The following IGF1R variants were observed in gnomAD, a reference collection of about 807,000 sequenced individuals.
The protein encoded by IGF1R is insulin like growth factor 1 receptor, also known as insulin-like growth factor 1 receptor.
Under a neutral mutation model 144.6 loss-of-function variants are expected in IGF1R, and 44 were observed. The ratio of observed to expected loss-of-function variants is 0.30; its 90% CI spans 0.24 to 0.39. IGF1R has a LOEUF of 0.39. Among genes scored for constraint, IGF1R ranks in the 10% least tolerant of loss-of-function variants. IGF1R has a pLI of 1.00. For missense variants in IGF1R, 1,355 were observed against 1,833.7 expected (o/e 0.74, Z 4.77); for synonymous variants, 795 against 722.8 (o/e 1.10, Z -1.60).
chr15:98,700,768 T>C (rs943309460), intron 1 of IGF1R, among the ~76,000 whole-genome samples: 2 of 152,014 alleles, frequency 1.3e-5, no homozygotes, highest in African/African-American at 4.8e-5. Flanking sequence ...TGCCTCTGCT[T>C]GGAGTACCCT....
At chr15:98,853,420 C>T (rs2011624856) in intron 2 of IGF1R, among the ~76,000 whole-genome samples, 1 of 152,182 alleles carries the variant, frequency 6.6e-6, no homozygotes, top group African/African-American at 2.4e-5. Flanking sequence ...TGAGGCTTCT[C>T]TGTGTCACAG....
At chr15:98,788,254 A>G (rs901281207) in intron 2 of IGF1R, among the ~76,000 whole-genome samples, 3 of 152,194 alleles carry the variant, frequency 2.0e-5, no homozygotes, top group Non-Finnish European at 2.9e-5. Flanking sequence ...GCTCACCAGC[A>G]CGAGTGCTGT....
chr15:98,848,977 T>G (rs530064995), intron 2 of IGF1R, among the ~76,000 whole-genome samples: 91 of 152,350 alleles, frequency 6.0e-4, no homozygotes, highest in Admixed American at 7.8e-4. Context: ...TAATCATCAT[T>G]AGCAAGATGG....
chr15:98,699,880 C>T lies in IGF1R; in HGVS notation c.95-7682C>T, dbSNP rs879211472. ...TTTCTAATTTCTGTTCTCAGAGTTT[C>T]CTCTGTAATGGAAATCTCTTACATT... On this transcript the variant is annotated intron_variant, in intron 1 of 20. Coordinates refer to ENST00000650285, the MANE Select transcript of IGF1R (RefSeq NM_000875.5). Among the ~76,000 whole-genome samples, 82 of 152,244 alleles carry T rather than the reference C, an allele frequency of 5.4e-4. 1 individual carries two copies. The highest frequency in any genetic ancestry group is 3.7e-3 in the Admixed American group (56 of 15,296).
chr15:98,857,263 A>C (rs879687873), intron 2 of IGF1R, among the ~76,000 whole-genome samples: 3 of 152,108 alleles, frequency 2.0e-5, no homozygotes, highest in Non-Finnish European at 4.4e-5. Flanking sequence ...CTTTCGCCCA[A>C]GCTGGAGTGC....
intron 14 of IGF1R, 33 bp from the exon 15 acceptor site, chr15:98,930,202 G>T (rs751248553): frequency 6.6e-7 from 1 of 1,508,024 alleles, no homozygotes; most frequent in Non-Finnish European, 9.2e-7. Flanking sequence ...TGGAGGTGGG[G>T]TTTTGTTAAC....
intron 1 of IGF1R, among the ~76,000 whole-genome samples, chr15:98,659,598 G>A (rs1049183762): frequency 1.4e-4 from 21 of 152,166 alleles, no homozygotes; most frequent in African/African-American, 4.8e-4. Flanking sequence ...GTGTCAGTGC[G>A]AGCTGTCCTG....
Position 98,828,492 on chromosome 15 carries a change from CAG to C in IGF1R, c.641-62830_641-62829del, listed in dbSNP as rs368568751. 1.4e-4 allele frequency among the ~76,000 whole-genome samples: 22 copies of C among 152,226 alleles called. No homozygotes were observed. The East Asian group carries it at 2.7e-3, about 19-fold the overall frequency. ...CCTTGTACTTCTGTTTGGATTCAAA[CAG>C]AGGAAGATAGAGTAGTGGCCTTGGG... On this transcript the variant is annotated intron_variant, in intron 2 of 20. Coordinates refer to ENST00000650285, the MANE Select transcript of IGF1R (RefSeq NM_000875.5).
Position 98,963,348 on chromosome 15 carries a change from AATG to A in IGF1R, c.*5915_*5917del, listed in dbSNP as rs762482056. On this transcript the variant is annotated 3_prime_UTR_variant, in exon 21 of 21. Transcript: ENST00000650285. ...TTTTTGCCCTAGTTTATAACAAAGG[AATG>A]ATGATGATTTAAAAAGTAGTTCTGT... 17 of 233,512 alleles carry A rather than the reference AATG, an allele frequency of 7.3e-5. No homozygotes were observed. The highest frequency in any genetic ancestry group is 1.8e-4 in the South Asian group (1 of 5,532). 14.5% of individuals were successfully genotyped at this position (233,512 alleles called of 1,614,324 possible). A position where few individuals can be genotyped will look rare whatever the true frequency, so the allele number is the denominator to read the frequency against.
In IGF1R at chr15:98,959,510, A is replaced by C. The variant is rs1204360554; in HGVS notation, c.*2068A>C. On this transcript the variant is annotated 3_prime_UTR_variant, in exon 21 of 21. Transcript: ENST00000650285. ...TCAGGGCTGTGCCCGCTGGAGTGCT[A>C]GGTGGAGGCAGCACAGACGCCACGG... is the stretch of plus-strand genomic sequence containing the variant. The C allele has an allele frequency of 4.3e-6, 1 of 233,456 alleles. No homozygotes were observed. Among genetic ancestry groups the C allele is most frequent in the Non-Finnish European group, 8.5e-6 (1 of 118,040 alleles). 14.5% of individuals were successfully genotyped at this position (233,456 alleles called of 1,614,324 possible).
At chr15:98,649,911 G>A (rs2052307237) in intron 1 of IGF1R, among the ~76,000 whole-genome samples, 1 of 152,160 alleles carries the variant, frequency 6.6e-6, no homozygotes, top group African/African-American at 2.4e-5. Context: ...CGCGGGAAGG[G>A]CTTTTCTCTT....
intron 2 of IGF1R, among the ~76,000 whole-genome samples, chr15:98,785,076 A>G (rs537866655): frequency 6.6e-6 from 1 of 152,366 alleles, no homozygotes; most frequent in East Asian, 1.9e-4. Context: ...AACATGGGAA[A>G]TAGTTGCTAG....
intron 7 of IGF1R, 48 bp downstream of exon 7, chr15:98,911,489 T>C: frequency 1.2e-6 from 2 of 1,613,100 alleles, no homozygotes; most frequent in Non-Finnish European, 1.7e-6. Flanking sequence ...GGGCTACGAA[T>C]GGGAGAGGCC....
At chr15:98,739,413 A>G (rs1446248480) in intron 2 of IGF1R, among the ~76,000 whole-genome samples, 2 of 151,740 alleles carry the variant, frequency 1.3e-5, no homozygotes, top group African/African-American at 4.9e-5. Flanking sequence ...TTTCAGAGTC[A>G]AAGTATCACT....
At chr15:98,666,723 C>T (rs908667374) in intron 1 of IGF1R, among the ~76,000 whole-genome samples, 1 of 151,390 alleles carries the variant, frequency 6.6e-6, no homozygotes, top group African/African-American at 2.4e-5. Flanking sequence ...TGGTGAGGGG[C>T]GGTGAATAGA....
intron 2 of IGF1R, among the ~76,000 whole-genome samples, chr15:98,843,948 T>C (rs2011225146): frequency 6.6e-6 from 1 of 152,246 alleles, no homozygotes; most frequent in Non-Finnish European, 1.5e-5. Context: ...ACTATGCGTT[T>C]GCTGCTTCCT....
At chr15:98,869,680 G>A (rs1364190803) in intron 2 of IGF1R, among the ~76,000 whole-genome samples, 4 of 151,966 alleles carry the variant, frequency 2.6e-5, no homozygotes, top group African/African-American at 9.7e-5. Context: ...GGTGATCCAC[G>A]CGCCTCACCC....
intron 1 of IGF1R, among the ~76,000 whole-genome samples, chr15:98,686,806 G>A (rs57221746): frequency 0.18 from 27,913 of 151,856 alleles, 2,873 homozygotes; most frequent in Non-Finnish European, 0.22. Flanking sequence ...CAATAGATGG[G>A]ACTATGTTCC....
At position 98,825,825 on chromosome 15, in the gene IGF1R, T is replaced by C. The variant is rs1218324512; in HGVS notation, c.641-65500T>C. Reference sequence around the variant, plus strand: ...ACATGTTTAATACACAAGCATCCTATTTTTTTTCCTGAATATTTTTGATCT... The same window carrying C: ...ACATGTTTAATACACAAGCATCCTACTTTTTTTCCTGAATATTTTTGATCT... On this transcript the variant is annotated intron_variant, in intron 2 of 20. Coordinates refer to ENST00000650285, the MANE Select transcript of IGF1R (RefSeq NM_000875.5). Among the ~76,000 whole-genome samples the C allele has an allele frequency of 2.0e-5, 3 of 152,038 alleles. No homozygotes were observed. In the East Asian group the frequency reaches 5.8e-4, roughly 29 times the overall value.
Sources: allele counts gnomAD v4.1 joint callset (sites outside exome capture counted in the v4.1 genomes callset), GRCh38; gene constraint gnomAD v4.1.1; transcripts MANE v1.5; gene names NCBI Gene and HGNC (gene_info 2026-07-23, HGNC 2026-07-21).